Variants in PEAK1 observed in about 807,000 individuals in gnomAD.
PEAK1 encodes pseudopodium enriched atypical kinase 1, also known as inactive tyrosine-protein kinase PEAK1.
In PEAK1, 54 loss-of-function variants were observed where a neutral mutation model predicts 124.7. The ratio of observed to expected loss-of-function variants is 0.43; its 90% CI spans 0.35 to 0.54. PEAK1 has a LOEUF of 0.54. PEAK1 is among the 20% of genes least tolerant of loss of function. PEAK1 has a pLI of 0.01. For synonymous variants in PEAK1, 719 were observed against 760.0 expected (o/e 0.95, Z 0.89); for missense variants, 2,046 against 2,134.5 (o/e 0.96, Z 0.82).
At chr15:77,117,030 C>G (rs1332499343) in intron 9 of PEAK1, among the ~76,000 whole-genome samples, 1 of 152,034 alleles carries the variant, frequency 6.6e-6, no homozygotes, top group African/African-American at 2.4e-5. Flanking sequence ...TTAAGTGTTA[C>G]CAGGTATTTA....
chr15:77,363,753 A>G (rs2068049242), intron 2 of PEAK1, among the ~76,000 whole-genome samples: 1 of 152,244 alleles, frequency 6.6e-6, no homozygotes, highest in African/African-American at 2.4e-5. Flanking sequence ...ACATGGATGA[A>G]GCTTAAAAAC....
Position 77,180,120 on chromosome 15 carries a change from T to A in PEAK1, c.1807A>T (p.Met603Leu). 6.2e-7 allele frequency: 1 copy of A among 1,614,196 alleles called. No individual in the cohort carries two copies. Among genetic ancestry groups the A allele is most frequent in the South Asian group, 1.1e-5 (1 of 91,074 alleles). Residue 603 changes from methionine (M) to leucine (L), a missense_variant, in exon 7 of 10, where the codon ATG becomes TTG. Physicochemically the swap from Met to Leu is conservative, Grantham distance 15 (BLOSUM62 2). Transcript: ENST00000682557. ...TGAATGATAATTGGAAAAGGTGGCA[T>A]ACCAGCATTGTTATAACTATTAAAT... ...IKFNSYNNAG[M>L]PPFPIIIHDE...
chr15:77,146,314 G>C (rs530743499), intron 8 of PEAK1, among the ~76,000 whole-genome samples: 33 of 152,298 alleles, frequency 2.2e-4, no homozygotes, highest in South Asian at 2.1e-3. Flanking sequence ...GCAAATCACA[G>C]GGGATATCAA....
chr15:77,268,418 G>A (rs1282163815), intron 5 of PEAK1, among the ~76,000 whole-genome samples: 1 of 151,380 alleles, frequency 6.6e-6, no homozygotes. Flanking sequence ...AGGACGCAGT[G>A]AGCTGAGATC....
intron 2 of PEAK1, among the ~76,000 whole-genome samples, chr15:77,310,961 G>A (rs1424606039): frequency 6.6e-6 from 1 of 152,118 alleles, no homozygotes; most frequent in African/African-American, 2.4e-5. Flanking sequence ...GGACATTTTA[G>A]GTATTAGTTT....
At chr15:77,199,735 C>G (rs765629839) in intron 6 of PEAK1, among the ~76,000 whole-genome samples, 25 of 152,130 alleles carry the variant, frequency 1.6e-4, no homozygotes, top group Admixed American at 4.6e-4. Flanking sequence ...TAATATACCT[C>G]ACATCAGAAG....
At chr15:77,131,884 C>G (rs548819543) in intron 9 of PEAK1, among the ~76,000 whole-genome samples, 29 of 152,002 alleles carry the variant, frequency 1.9e-4, no homozygotes, top group Admixed American at 1.0e-3. Context: ...TTGAGACCAG[C>G]CTGGGCAACA....
intron 2 of PEAK1, among the ~76,000 whole-genome samples, chr15:77,343,637 C>A (rs2066687879): frequency 6.6e-6 from 1 of 151,992 alleles, no homozygotes. Context: ...AGGCACACAC[C>A]ACCATGCCCG....
At chr15:77,134,670 A>G (rs2053163854) in intron 8 of PEAK1, among the ~76,000 whole-genome samples, 1 of 152,242 alleles carries the variant, frequency 6.6e-6, no homozygotes, top group African/African-American at 2.4e-5. Flanking sequence ...TTTTAAAGAC[A>G]GAAAAATATA....
chr15:77,216,524 G>C (rs568857470), intron 6 of PEAK1, among the ~76,000 whole-genome samples: 39 of 152,318 alleles, frequency 2.6e-4, no homozygotes, highest in Admixed American at 5.9e-4. Flanking sequence ...GATGCCTTAT[G>C]AAAGTTTATG....
chr15:77,279,720 A>C (rs2062557014), intron 5 of PEAK1, among the ~76,000 whole-genome samples: 1 of 152,220 alleles, frequency 6.6e-6, no homozygotes, highest in Admixed American at 6.5e-5. Flanking sequence ...TTGGTAGTTC[A>C]TTGAAGAAGG....
chr15:77,367,377 G>A (rs2068323396), intron 1 of PEAK1, among the ~76,000 whole-genome samples: 1 of 152,166 alleles, frequency 6.6e-6, no homozygotes, highest in South Asian at 2.1e-4. Flanking sequence ...ACCAAAGGTT[G>A]TATGAAAGAA....
intron 6 of PEAK1, among the ~76,000 whole-genome samples, chr15:77,229,892 C>T (rs969167526): frequency 6.6e-5 from 10 of 152,118 alleles, no homozygotes; most frequent in South Asian, 4.2e-4. Context: ...GGTGATCCGC[C>T]GGCCTTGGCC....
intron 9 of PEAK1, among the ~76,000 whole-genome samples, chr15:77,129,601 ATTTTTT>A: frequency 7.2e-6 from 1 of 139,632 alleles, no homozygotes; most frequent in South Asian, 2.3e-4. Context: ...ATGACTGGCT[ATTTTTT>A]TTTTTTTTTT....
chr15:77,266,133 T>G (rs983054118), intron 5 of PEAK1, among the ~76,000 whole-genome samples: 2 of 151,968 alleles, frequency 1.3e-5, no homozygotes, highest in African/African-American at 2.4e-5. Context: ...GGATAGCATT[T>G]GGAGATATAC....
chr15:77,409,743 C>G (rs1595877272), intron 1 of PEAK1, among the ~76,000 whole-genome samples: 1 of 152,096 alleles, frequency 6.6e-6, no homozygotes, highest in African/African-American at 2.4e-5. Flanking sequence ...AAATAAAAAA[C>G]CTTAAGATAC....
At chr15:77,337,722 A>G in intron 2 of PEAK1, 6 of 985,368 alleles carry the variant, frequency 6.1e-6, no homozygotes, top group Non-Finnish European at 7.2e-6. Context: ...ATTATAGCAC[A>G]GTTATGAACA....
chr15:77,149,808 G>A (rs192750966), intron 8 of PEAK1, among the ~76,000 whole-genome samples: 1 of 151,866 alleles, frequency 6.6e-6, no homozygotes, highest in Admixed American at 6.6e-5. Flanking sequence ...GCAAAGCAGT[G>A]GTGCAATCTC....
chr15:77,404,741 A>G (rs2071668154), intron 1 of PEAK1: 3 of 951,588 alleles, frequency 3.2e-6, no homozygotes, highest in Non-Finnish European at 3.8e-6. Context: ...ATTAATGATA[A>G]AGTCTATGAT....
Sources: gnomAD v4.1 joint callset for allele counts (sites outside exome capture counted in the v4.1 genomes callset) on GRCh38, gnomAD v4.1.1 for gene constraint, MANE v1.5 for transcripts, NCBI Gene and HGNC (gene_info 2026-07-23, HGNC 2026-07-21) for gene names.